The following KIRREL3 variants were observed in gnomAD, a reference collection of about 807,000 sequenced individuals.
The protein encoded by KIRREL3 is kin of IRRE-like protein 3.
A neutral mutation model predicts 89.7 loss-of-function variants in KIRREL3; 36 were observed. The ratio of observed to expected loss-of-function variants is 0.40; its 90% CI spans 0.31 to 0.53. The LOEUF is 0.53. Ranked by LOEUF, KIRREL3 falls within the 20% of genes least tolerant of loss-of-function variation. The probability of loss-of-function intolerance (pLI) is 0.49; values close to 1 mark genes in which losing one functional copy is unlikely to be tolerated. For missense variants in KIRREL3, 864 were observed against 1,056.6 expected (o/e 0.82, Z 2.53); for synonymous variants, 445 against 441.4 (o/e 1.01, Z -0.10).
chr11:126,479,770 G>A (rs1489723470), intron 4 of KIRREL3, among the ~76,000 whole-genome samples: 1 of 152,146 alleles, frequency 6.6e-6, no homozygotes, highest in Non-Finnish European at 1.5e-5. Flanking sequence ...TACTAGCTTT[G>A]GAGTTACACG....
At chr11:126,433,846 T>C (rs1331771553) in intron 13 of KIRREL3, among the ~76,000 whole-genome samples, 1 of 152,234 alleles carries the variant, frequency 6.6e-6, no homozygotes. Context: ...AGCCAAAGCA[T>C]GTCCATGGAA....
At chr11:126,625,505 T>G (rs772842310) in intron 1 of KIRREL3, among the ~76,000 whole-genome samples, 35 of 152,290 alleles carry the variant, frequency 2.3e-4, no homozygotes, top group Non-Finnish European at 4.4e-4. Context: ...CTGCTTACAT[T>G]ATCTTGAAAC....
At chr11:126,863,372 CGT>C (rs1366885890) in intron 1 of KIRREL3, among the ~76,000 whole-genome samples, 1 of 145,300 alleles carries the variant, frequency 6.9e-6, no homozygotes, top group Non-Finnish European at 1.5e-5. Context: ...TGTTTGAGTG[CGT>C]GTGTGTGTTT....
chr11:126,621,682 A>G (rs1943581071), intron 1 of KIRREL3, among the ~76,000 whole-genome samples: 1 of 152,210 alleles, frequency 6.6e-6, no homozygotes, highest in African/African-American at 2.4e-5. Flanking sequence ...TTATTTACCA[A>G]GTGATTAAAT....
At chr11:126,447,685 G>T (rs1445747905) in intron 8 of KIRREL3, among the ~76,000 whole-genome samples, 2 of 152,186 alleles carry the variant, frequency 1.3e-5, no homozygotes, top group Non-Finnish European at 2.9e-5. Context: ...GCCGTGTGGG[G>T]ATTCCAGGCT....
At chr11:126,967,998 A>G (rs1160560277) in intron 1 of KIRREL3, among the ~76,000 whole-genome samples, 3 of 152,134 alleles carry the variant, frequency 2.0e-5, no homozygotes, top group Admixed American at 1.3e-4. Flanking sequence ...GCCAAGCCCT[A>G]TTTTCCTGCC....
intron 1 of KIRREL3, among the ~76,000 whole-genome samples, chr11:126,894,606 T>C (rs1946074150): frequency 7.8e-6 from 1 of 127,972 alleles, no homozygotes; most frequent in African/African-American, 3.0e-5. Flanking sequence ...AGAAAGAAGC[T>C]AGGTATGGTG....
At chr11:126,699,913 G>C (rs758322020) in intron 1 of KIRREL3, among the ~76,000 whole-genome samples, 30 of 152,150 alleles carry the variant, frequency 2.0e-4, no homozygotes, top group Non-Finnish European at 3.8e-4. Context: ...TAAAAATAAG[G>C]CCGGACATGG....
In KIRREL3 at chr11:126,970,871, C is replaced by T. The variant is rs913313782; in HGVS notation, c.55+29584G>A. Among the ~76,000 whole-genome samples, 10 of 152,184 alleles carry T rather than the reference C, an allele frequency of 6.6e-5. No homozygotes were observed. Among genetic ancestry groups the T allele is most frequent in the Middle Eastern group, 3.2e-3 (1 of 316 alleles). Reference sequence around the variant, plus strand: ...ATTAGGATCCAATGAGGCTCACCTGCTGCCAGGTATCTACGCAGCAGGAGA... The same window carrying T: ...ATTAGGATCCAATGAGGCTCACCTGTTGCCAGGTATCTACGCAGCAGGAGA... On this transcript the variant is annotated intron_variant, in intron 1 of 16. Transcript: ENST00000525144. The surrounding 1 kb of genome is among the most constrained non-coding windows in gnomAD (Gnocchi z 4.4).
Position 126,740,125 on chromosome 11 carries a change from T to G in KIRREL3, c.56-177213A>C, listed in dbSNP as rs1326801726. On this transcript the variant is annotated intron_variant, in intron 1 of 16. Transcript: ENST00000525144. The surrounding 1 kb of genome is among the most constrained non-coding windows in gnomAD (Gnocchi z 6.0). Reference sequence around the variant, plus strand: ...CATTAGTTCAAATTGTGTTTTTTTCTTCCCTCCTTCTTTTATTTAAGTCAT... The same window carrying G: ...CATTAGTTCAAATTGTGTTTTTTTCGTCCCTCCTTCTTTTATTTAAGTCAT... 6.6e-6 allele frequency among the ~76,000 whole-genome samples: 1 copy of G among 152,194 alleles called. No homozygotes were observed. Among genetic ancestry groups the G allele is most frequent in the Non-Finnish European group, 1.5e-5 (1 of 68,040 alleles).
At chr11:126,444,589 T>A (rs1955715779) in intron 10 of KIRREL3, among the ~76,000 whole-genome samples, 1 of 152,094 alleles carries the variant, frequency 6.6e-6, no homozygotes, top group African/African-American at 2.4e-5. Flanking sequence ...CGAGACTCCA[T>A]CTCAAAAAGC....
chr11:126,424,194 G>T lies in KIRREL3; in HGVS notation c.*386C>A. Reference sequence around the variant, plus strand: ...GGGGTAGGTAGAGCTTCTGGTCAGCGAGGGGTAGAGCCCACAGAGAGACCA... The same window carrying T: ...GGGGTAGGTAGAGCTTCTGGTCAGCTAGGGGTAGAGCCCACAGAGAGACCA... On this transcript the variant is annotated 3_prime_UTR_variant, in exon 17 of 17. Coordinates refer to ENST00000525144, the MANE Select transcript of KIRREL3 (RefSeq NM_032531.4). 1 of 280,754 alleles carries T rather than the reference G, an allele frequency of 3.6e-6. No individual in the cohort carries two copies. The highest frequency in any genetic ancestry group is 8.1e-5 in the East Asian group (1 of 12,274). 17.4% of individuals were successfully genotyped at this position (280,754 alleles called of 1,614,324 possible). A position where few individuals can be genotyped will look rare whatever the true frequency, so the allele number is the denominator to read the frequency against.
At chr11:126,613,279 C>T (rs938149976) in intron 1 of KIRREL3, among the ~76,000 whole-genome samples, 4 of 151,942 alleles carry the variant, frequency 2.6e-5, no homozygotes, top group East Asian at 1.9e-4. Flanking sequence ...ATTACAGGCT[C>T]GCACGCAGCA....
intron 4 of KIRREL3, among the ~76,000 whole-genome samples, chr11:126,512,874 G>T (rs1300982591): frequency 6.6e-6 from 1 of 152,204 alleles, no homozygotes; most frequent in African/African-American, 2.4e-5. Flanking sequence ...AACCCGTGAA[G>T]TGGGTTTAAC....
chr11:126,556,582 G>A (rs766455041), intron 2 of KIRREL3, among the ~76,000 whole-genome samples: 1 of 152,168 alleles, frequency 6.6e-6, no homozygotes, highest in Non-Finnish European at 1.5e-5. Context: ...AGGCTATAGT[G>A]AGCCACGATG....
Position 126,623,178 on chromosome 11 carries a change from A to C in KIRREL3, c.56-60266T>G, listed in dbSNP as rs1057276704. Among the ~76,000 whole-genome samples the C allele has an allele frequency of 1.3e-5, 2 of 152,210 alleles. No homozygotes were observed. Among genetic ancestry groups the C allele is most frequent in the African/African-American group, 4.8e-5 (2 of 41,456 alleles). ...GTCTAAGGTGACAGAGCCCAAACCC[A>C]CTAACAGGACAGTTTTCTTCACCTT... is the stretch of plus-strand genomic sequence containing the variant. On this transcript the variant is annotated intron_variant, in intron 1 of 16. Transcript: ENST00000525144. This position sits in a 1 kb window ranked among gnomAD's most constrained non-coding sequence, Gnocchi z 4.1.
At position 126,897,154 on chromosome 11, in the gene KIRREL3, C is replaced by G. The variant is rs1946197887; in HGVS notation, c.55+103301G>C. ...AACTAAAGCAAACCCTTCTGGTCAC[C>G]CTGGGTCAGAGGAGCACAGGTGGTC... is the stretch of plus-strand genomic sequence containing the variant. On this transcript the variant is annotated intron_variant, in intron 1 of 16. Coordinates refer to ENST00000525144, the MANE Select transcript of KIRREL3 (RefSeq NM_032531.4). The surrounding 1 kb of genome is among the most constrained non-coding windows in gnomAD (Gnocchi z 4.2). Among the ~76,000 whole-genome samples, 1 of 152,098 alleles carries G rather than the reference C, an allele frequency of 6.6e-6. No individual in the cohort carries two copies. The highest frequency in any genetic ancestry group is 1.5e-5 in the Non-Finnish European group (1 of 68,020).
chr11:126,446,989 C>T, intron 8 of KIRREL3, 103 bp from the exon 9 acceptor site: 1 of 1,396,792 alleles, frequency 7.2e-7, no homozygotes, highest in Non-Finnish European at 9.7e-7. Flanking sequence ...TGGGGGGAGG[C>T]AGGCAGTGGG....
At chr11:126,726,101 C>T (rs1948368381) in intron 1 of KIRREL3, among the ~76,000 whole-genome samples, 1 of 152,116 alleles carries the variant, frequency 6.6e-6, no homozygotes, top group Admixed American at 6.5e-5. Context: ...TCCATTCTAA[C>T]CCCCTGTGTC....
Sources: allele counts gnomAD v4.1 joint callset (sites outside exome capture counted in the v4.1 genomes callset), GRCh38; gene constraint gnomAD v4.1.1; non-coding constraint Gnocchi (gnomAD v3.1); transcripts MANE v1.5; gene names NCBI Gene and HGNC (gene_info 2026-07-23, HGNC 2026-07-21).